Variants in QRICH2 observed in about 807,000 individuals in gnomAD.
QRICH2 encodes the protein glutamine-rich protein 2.
In QRICH2, 119 loss-of-function variants were observed where a neutral mutation model predicts 168.3. The ratio of observed to expected loss-of-function variants is 0.71; its 90% CI spans 0.61 to 0.82. QRICH2 has a LOEUF of 0.82. Among genes scored for constraint, QRICH2 ranks in the 40% least tolerant of loss-of-function variants. The pLI is 0.00. For synonymous variants in QRICH2, 894 were observed against 951.2 expected (o/e 0.94, Z 1.11); for missense variants, 2,241 against 2,491.6 (o/e 0.90, Z 2.14).
rs1176171729 is a variant in QRICH2, at chr17:76,280,008, T to G, written c.4748+25A>C. 1 of 1,582,950 alleles carries G rather than the reference T, an allele frequency of 6.3e-7. No individual in the cohort carries two copies. The highest frequency in any genetic ancestry group is 1.2e-5 in the South Asian group (1 of 86,534). On this transcript the variant is annotated intron_variant, in intron 12 of 18. Transcript: ENST00000680821. The surrounding 1 kb of genome is among the most constrained non-coding windows in gnomAD (Gnocchi z 7.4). ...TCACCCCCTGAAGAGCGTGCCAGCC[T>G]CCTCCCCTGCCTCCCAGGCCTCACC...
intron 4 of QRICH2, among the ~76,000 whole-genome samples, chr17:76,290,805 G>A (rs898262786): frequency 2.0e-5 from 3 of 151,998 alleles, no homozygotes; most frequent in African/African-American, 4.8e-5. Context: ...ACAAGAACCC[G>A]CTCCACTCCT....
At chr17:76,289,730 G>A (rs1288371419) in intron 5 of QRICH2, among the ~76,000 whole-genome samples, 16 of 152,080 alleles carry the variant, frequency 1.1e-4, no homozygotes, top group Non-Finnish European at 1.9e-4. Context: ...CTGAGGTTGG[G>A]AGTTCAAGAC....
At chr17:76,309,541 G>A (rs1397753737), upstream of QRICH2, 1 of 152,088 alleles carries the variant, frequency 6.6e-6, no homozygotes, top group East Asian at 1.9e-4. Context: ...GCACAGCAAG[G>A]CTACTTAAAG....
At chr17:76,274,797 C>CCTGG (rs2070643429) in intron 18 of QRICH2, among the ~76,000 whole-genome samples, 1 of 152,206 alleles carries the variant, frequency 6.6e-6, no homozygotes, top group Non-Finnish European at 1.5e-5. Flanking sequence ...TCTGCCGCTT[C>CCTGG]CTGGCTGTGT....
In QRICH2 at chr17:76,291,840, G is replaced by A. The variant is rs1598491648; in HGVS notation, c.2887C>T (p.Gln963Ter). 1.9e-6 allele frequency: 3 copies of A among 1,614,202 alleles called. No individual in the cohort carries two copies. Among genetic ancestry groups the A allele is most frequent in the East Asian group, 2.2e-5 (1 of 44,894 alleles). Residue 963 changes from glutamine (Q) to a stop codon, truncating the protein, a stop_gained, in exon 4 of 19, where the codon CAG (glutamine) becomes TAG (stop). Coordinates refer to ENST00000680821, the MANE Select transcript of QRICH2 (RefSeq NM_001388453.1). LOFTEE classifies it high-confidence loss of function. ...QSGTYPRGLV[Q>*]PGMDQYGLRQ... ...AAACCATACTGATCCATTCCTGGCT[G>A]CACCAGACCACGTGGATATGTCCCA...
chr17:76,293,500 T>G lies in QRICH2; in HGVS notation c.1227A>C (p.Pro409=). The G allele has an allele frequency of 6.2e-7, 1 of 1,614,210 alleles. No individual in the cohort carries two copies. Among genetic ancestry groups the G allele is most frequent in the Non-Finnish European group, 8.5e-7 (1 of 1,180,034 alleles). ...CCATGCTGAGGGGTACCACACCATGTGGGTAAGTGCTAGCAGGCACTAATC... is the reference window on the plus strand; with the variant it reads ...CCATGCTGAGGGGTACCACACCATGGGGGTAAGTGCTAGCAGGCACTAATC... ...QPGLVPASTY[P]HGVVPLSMGQ... Residue 409 remains proline (P), a synonymous_variant, in exon 4 of 19, where the codon CCA becomes CCC. Transcript: ENST00000680821.
At chr17:76,304,141 T>C (rs1203933855) in intron 3 of QRICH2, among the ~76,000 whole-genome samples, 1 of 152,128 alleles carries the variant, frequency 6.6e-6, no homozygotes, top group African/African-American at 2.4e-5. Flanking sequence ...CTCTCTCCCA[T>C]TGATGGTGGG....
Position 76,308,200 on chromosome 17 carries a change from C to T in QRICH2, c.-202G>A, listed in dbSNP as rs567309192. 2.0e-6 allele frequency: 2 copies of T among 985,442 alleles called. No individual in the cohort carries two copies. The highest frequency in any genetic ancestry group is 4.7e-5 in the South Asian group (1 of 21,294). The allele number at this position is 985,442 out of a possible 1,614,324, so 61.0% of individuals were successfully genotyped here. A position where few individuals can be genotyped will look rare whatever the true frequency, so the allele number is the denominator to read the frequency against. ...CCCCGGCGGGGTCCGCGATGGCCAC[C>T]CCTCCGCTGTCTGTCGCTGGCCTCG... is the stretch of plus-strand genomic sequence containing the variant. On this transcript the variant is annotated 5_prime_UTR_variant, in exon 1 of 19. Coordinates refer to ENST00000680821, the MANE Select transcript of QRICH2 (RefSeq NM_001388453.1).
At chr17:76,276,986 C>G (rs1359151176) in intron 16 of QRICH2, among the ~76,000 whole-genome samples, 177 bp downstream of exon 16, 1 of 152,172 alleles carries the variant, frequency 6.6e-6, no homozygotes, top group Non-Finnish European at 1.5e-5. Context: ...GGCAGGTGGC[C>G]GGGGTGAATC....
chr17:76,308,930 A>G (rs2143429669), upstream of QRICH2, among the ~76,000 whole-genome samples: 2 of 147,326 alleles, frequency 1.4e-5, no homozygotes, highest in South Asian at 4.3e-4. Context: ...TATTTTTAGC[A>G]GAGACGGGGT....
chr17:76,274,095 G>T lies in QRICH2; in HGVS notation c.5648C>A (p.Ser1883Tyr), dbSNP rs761537385. Residue 1883 changes from serine (S) to tyrosine (Y), a missense_variant, in exon 19 of 19, where the codon TCC becomes TAC. Ser to Tyr is a moderately radical substitution (Grantham distance 144). This residue lies in a region of QRICH2 where 189 missense variants were observed against 169.3 expected (regional missense o/e 1.12). Coordinates refer to ENST00000680821, the MANE Select transcript of QRICH2 (RefSeq NM_001388453.1). Reference protein sequence around the residue: ...GLEEPTRGPRSSTAQ With the variant: ...GLEEPTRGPRYSTAQ ...CACCTCCGCTCACTGAGCGGTGCTG[G>T]ACCGCGGCCCCCGCGTGGGCTCCTC... 1 of 1,579,674 alleles carries T rather than the reference G, an allele frequency of 6.3e-7. No individual in the cohort carries two copies. The highest frequency in any genetic ancestry group is 1.1e-5 in the South Asian group (1 of 87,510).
chr17:76,307,697 C>T lies in QRICH2; in HGVS notation c.302G>A (p.Ser101Asn). 2 of 1,435,942 alleles carry T rather than the reference C, an allele frequency of 1.4e-6. No individual in the cohort carries two copies. Among genetic ancestry groups the T allele is most frequent in the Non-Finnish European group, 1.8e-6 (2 of 1,096,158 alleles). 89.0% of individuals were successfully genotyped at this position (1,435,942 alleles called of 1,614,324 possible). ...CTGGCCGCCCAGGTCCTTCACTTGG[C>T]TCTCCAGCGCTGACGAAGGCGCCTG... ...VGQAPSSALE[S>N]QVKDLGGQVE... Residue 101 changes from serine to asparagine, a missense_variant, in exon 1 of 19, where the codon AGC (serine) becomes AAC (asparagine). By Grantham distance (46) the Ser-to-Asn change is conservative. Transcript: ENST00000680821. The surrounding 1 kb of genome is among the most constrained non-coding windows in gnomAD (Gnocchi z 5.3).
chr17:76,306,211 A>C (rs948896168), intron 1 of QRICH2, among the ~76,000 whole-genome samples: 2 of 151,426 alleles, frequency 1.3e-5, no homozygotes, highest in African/African-American at 2.4e-5. Context: ...AAATTAAAAC[A>C]AAAAAAACCC....
rs2071010950 is a variant in QRICH2, at chr17:76,307,611, G to C, written c.388C>G (p.His130Asp). ...CTGGCCTGGGAGAAGTGCTGCACGT[G>C]CGTGGCGATGCCCTGCACCTGGCCG... Reference protein sequence around the residue: ...VDGQVQGIATHVQHFSQASGL... With the variant: ...VDGQVQGIATDVQHFSQASGL... The change falls in exon 1 of 19, where the codon CAC becomes GAC. Residue 130 changes from histidine (H) to aspartate (D), a missense_variant. His to Asp is a moderately conservative substitution (Grantham distance 81). Around this residue, in one of 3 missense-constraint regions of QRICH2, gnomAD observed 2,047 missense variants for 2,303.8 expected, o/e 0.89. Transcript: ENST00000680821. The surrounding 1 kb of genome is among the most constrained non-coding windows in gnomAD (Gnocchi z 5.3). 5 of 1,531,164 alleles carry C rather than the reference G, an allele frequency of 3.3e-6. No homozygotes were observed. The highest frequency in any genetic ancestry group is 3.5e-6 in the Non-Finnish European group (4 of 1,135,386). The allele number at this position is 1,531,164 out of a possible 1,614,324, so 94.8% of individuals were successfully genotyped here.
At chr17:76,308,810 A>C (rs1251068075), upstream of QRICH2, among the ~76,000 whole-genome samples, 1 of 151,874 alleles carries the variant, frequency 6.6e-6, no homozygotes, top group Non-Finnish European at 1.5e-5. Context: ...CAATGGCACG[A>C]TCTCGGCTCA....
Position 76,287,310 on chromosome 17 carries a change from T to C in QRICH2, c.3897-4A>G. 6.2e-7 allele frequency: 1 copy of C among 1,606,430 alleles called. No homozygotes were observed. The highest frequency in any genetic ancestry group is 8.5e-7 in the Non-Finnish European group (1 of 1,173,364). On this transcript the variant is annotated splice_region_variant and splice_polypyrimidine_tract_variant and intron_variant, in intron 6 of 18. Coordinates refer to ENST00000680821, the MANE Select transcript of QRICH2 (RefSeq NM_001388453.1). Reference sequence around the variant, plus strand: ...TTCTATGTCAGCCACGGTGACTCTGTGGTGCACGATGAGAGACTGCCAGAC... The same window carrying C: ...TTCTATGTCAGCCACGGTGACTCTGCGGTGCACGATGAGAGACTGCCAGAC...
chr17:76,288,412 A>AAAAAG (rs1241926180), intron 5 of QRICH2, among the ~76,000 whole-genome samples: 1 of 140,570 alleles, frequency 7.1e-6, no homozygotes, highest in African/African-American at 2.9e-5. Flanking sequence ...AAAAAAAAAA[A>AAAAAG]GGAATGACTG....
chr17:76,277,334 C>A, intron 15 of QRICH2, 24 bp from the exon 16 acceptor site: 1 of 1,604,846 alleles, frequency 6.2e-7, no homozygotes, highest in South Asian at 1.1e-5. Flanking sequence ...AGGATGGAGT[C>A]ATTGGGAGCA....
In QRICH2 at chr17:76,278,160, C is replaced by T; in HGVS notation, c.4946G>A (p.Gly1649Asp). The change falls in exon 15 of 19, where the codon GGT becomes GAT. Residue 1649 changes from glycine (G) to aspartate (D), a missense_variant. Coordinates refer to ENST00000680821, the MANE Select transcript of QRICH2 (RefSeq NM_001388453.1). ...NLKLGSAFPR[G>D]DLAQMEQSVG... is the part of the protein sequence containing the mutation. The stretch of plus-strand genomic sequence containing the variant: ...GCTCTGCTCCATCTGCGCCAGGTCA[C>T]CCCGAGGGAAGGCGCTGCCCAGCTT... 1.2e-6 allele frequency: 2 copies of T among 1,609,884 alleles called. No individual in the cohort carries two copies. Among genetic ancestry groups the T allele is most frequent in the Non-Finnish European group, 1.7e-6 (2 of 1,180,020 alleles).
Sources: allele counts gnomAD v4.1 joint callset (sites outside exome capture counted in the v4.1 genomes callset), GRCh38; gene constraint gnomAD v4.1.1; regional missense constraint gnomAD v4.1.1; non-coding constraint Gnocchi (gnomAD v3.1); transcripts MANE v1.5; gene names NCBI Gene and HGNC (gene_info 2026-07-23, HGNC 2026-07-21).